Variants in IGSF11 observed in about 807,000 individuals in gnomAD.
The protein encoded by IGSF11 is immunoglobulin superfamily member 11.
IGSF11 carries 22 observed loss-of-function variants against 41.0 expected under a neutral mutation model. The ratio of observed to expected loss-of-function variants is 0.54; its 90% CI spans 0.38 to 0.77. The LOEUF is 0.77. Among genes scored for constraint, IGSF11 ranks in the 30% least tolerant of loss-of-function variants. The pLI is 0.00. For synonymous variants in IGSF11, 219 were observed against 201.3 expected, an observed-to-expected ratio of 1.09 and a Z score of -0.74; for missense variants, 444 against 530.8, an observed-to-expected ratio of 0.84 and a Z score of 1.61.
chr3:118,964,379 G>A (rs1159787849), intron 1 of IGSF11, among the ~76,000 whole-genome samples: 1 of 152,106 alleles, frequency 6.6e-6, no homozygotes, highest in East Asian at 1.9e-4. Context: ...ATGGGATGAA[G>A]AATGGGCAGA....
chr3:119,012,868 A>G (rs1001613066), intron 1 of IGSF11: 2 of 152,248 alleles, frequency 1.3e-5, no homozygotes, highest in African/African-American at 4.8e-5. Context: ...ATTGCTAAAA[A>G]AGCAAGTTTA....
At position 119,114,661 on chromosome 3, in the gene IGSF11, T is replaced by C. The variant is rs1576819146; in HGVS notation, c.-13-9456A>G. ...CAAGTCTCTAGGAAGTTCCAAACTT[T>C]CCCTCATCTTCTTGTCTTTTTCTGA... On this transcript the variant is annotated intron_variant, in intron 1 of 7. Coordinates refer to the IGSF11 transcript ENST00000425327. Among the ~76,000 whole-genome samples, 3 of 152,356 alleles carry C rather than the reference T, an allele frequency of 2.0e-5. 1 individual carries two copies. The highest frequency in any genetic ancestry group is 7.2e-5 in the African/African-American group (3 of 41,572).
intron 1 of IGSF11, among the ~76,000 whole-genome samples, chr3:119,018,825 G>A (rs183609689): frequency 4.6e-5 from 7 of 152,318 alleles, no homozygotes; most frequent in Admixed American, 4.6e-4. Flanking sequence ...ACTCAGAGAG[G>A]CATGCAGAAG....
chr3:118,951,109 G>C (rs1333886778), intron 1 of IGSF11, among the ~76,000 whole-genome samples: 1 of 152,200 alleles, frequency 6.6e-6, no homozygotes, highest in African/African-American at 2.4e-5. Flanking sequence ...GCAGCCACAT[G>C]TGGCTATTCA....
intron 1 of IGSF11, among the ~76,000 whole-genome samples, chr3:119,092,215 GTTAAAA>G (rs1439314129): frequency 1.2e-4 from 18 of 152,008 alleles, no homozygotes; most frequent in Admixed American, 1.0e-3. Flanking sequence ...GAATAAAAAA[GTTAAAA>G]TTAAAAAGTT....
intron 1 of IGSF11, among the ~76,000 whole-genome samples, chr3:119,110,431 T>A (rs2107518148): frequency 6.6e-6 from 1 of 152,354 alleles, no homozygotes; most frequent in South Asian, 2.1e-4. Flanking sequence ...TTTTTTGTTT[T>A]CCATTTGCTT....
chr3:118,905,576 C>G lies in IGSF11; in HGVS notation c.703+20G>C. 6.2e-7 allele frequency: 1 copy of G among 1,613,404 alleles called. No individual in the cohort carries two copies. Among genetic ancestry groups the G allele is most frequent in the Middle Eastern group, 1.7e-4 (1 of 6,046 alleles). On this transcript the variant is annotated intron_variant, in intron 5 of 6. Coordinates refer to ENST00000393775, the MANE Select transcript of IGSF11 (RefSeq NM_001015887.3). ...AGAGTTTCAGACCCATGGTTGACAT[C>G]AGAATTTCCATATGCTTACGTGAAA...
At chr3:119,100,419 G>C (rs2076921998) in intron 1 of IGSF11, among the ~76,000 whole-genome samples, 1 of 152,204 alleles carries the variant, frequency 6.6e-6, no homozygotes, top group African/African-American at 2.4e-5. Context: ...CTGAGGCTTT[G>C]AGTCTAGGCA....
chr3:118,936,564 G>T (rs2107547847), intron 1 of IGSF11, among the ~76,000 whole-genome samples: 1 of 151,450 alleles, frequency 6.6e-6, no homozygotes, highest in Non-Finnish European at 1.5e-5. Flanking sequence ...CATGTAAAAT[G>T]CATAATTTAA....
intron 1 of IGSF11, among the ~76,000 whole-genome samples, chr3:119,060,392 G>A (rs1415397710): frequency 6.6e-6 from 1 of 152,098 alleles, no homozygotes; most frequent in Non-Finnish European, 1.5e-5. Context: ...AGAACCATAA[G>A]ATTTTGAAAA....
At chr3:118,977,779 G>A (rs1934281238) in intron 1 of IGSF11, among the ~76,000 whole-genome samples, 1 of 152,114 alleles carries the variant, frequency 6.6e-6, no homozygotes, top group South Asian at 2.1e-4. Flanking sequence ...ACCACACGAA[G>A]GCACTGTTCC....
chr3:119,078,487 T>C (rs947818651), intron 1 of IGSF11, among the ~76,000 whole-genome samples: 12 of 152,148 alleles, frequency 7.9e-5, no homozygotes, highest in Admixed American at 6.5e-4. Flanking sequence ...GTCCAACAAA[T>C]GGTGCAGGGA....
chr3:119,082,889 A>T (rs1415838088), intron 1 of IGSF11, among the ~76,000 whole-genome samples: 1 of 152,214 alleles, frequency 6.6e-6, no homozygotes, highest in Non-Finnish European at 1.5e-5. Flanking sequence ...AATATAAAAC[A>T]AACAAAAAAT....
At position 118,902,619 on chromosome 3, in the gene IGSF11, T is replaced by C. The variant is rs146853299; in HGVS notation, c.1197A>G (p.Pro399=). ...GGCTGATGGTGTAGGAATGAGTGTG[T>C]GGAGGCCGAGGCTTCCTACTGACTG... is the stretch of plus-strand genomic sequence containing the variant. ...NGSVSRKPRP[P]HTHSYTISHA... The change falls in exon 7 of 7, where the codon CCA becomes CCG. Residue 399 remains proline, a synonymous_variant. Transcript: ENST00000393775. 1.2e-6 allele frequency: 2 copies of C among 1,614,120 alleles called. No homozygotes were observed. The highest frequency in any genetic ancestry group is 8.5e-7 in the Non-Finnish European group (1 of 1,179,992).
chr3:118,910,684 T>G (rs1387845848), intron 4 of IGSF11, among the ~76,000 whole-genome samples: 1 of 152,194 alleles, frequency 6.6e-6, no homozygotes, highest in Admixed American at 6.5e-5. Context: ...CAATCTGGAC[T>G]TCACCTTTTC....
intron 1 of IGSF11, among the ~76,000 whole-genome samples, chr3:118,994,814 G>A (rs1936115435): frequency 6.6e-6 from 1 of 152,128 alleles, no homozygotes; most frequent in African/African-American, 2.4e-5. Context: ...GAAGGGAGTA[G>A]TTAATTTTAT....
At chr3:119,070,170 A>G (rs964071094) in intron 1 of IGSF11, among the ~76,000 whole-genome samples, 9 of 152,198 alleles carry the variant, frequency 5.9e-5, no homozygotes, top group Non-Finnish European at 8.8e-5. Flanking sequence ...AGACCAAAAC[A>G]GTAGATTATG....
intron 1 of IGSF11, among the ~76,000 whole-genome samples, chr3:118,991,974 A>C (rs1394437936): frequency 6.6e-6 from 1 of 152,264 alleles, no homozygotes; most frequent in Non-Finnish European, 1.5e-5. Context: ...GTGATGAATA[A>C]GCTTCATTGA....
At chr3:119,048,721 T>C (rs1415478794) in intron 1 of IGSF11, among the ~76,000 whole-genome samples, 1 of 151,934 alleles carries the variant, frequency 6.6e-6, no homozygotes, top group East Asian at 1.9e-4. Context: ...CCAATATCCT[T>C]GATAAACATT....
Sources: gnomAD v4.1 joint callset for allele counts (sites outside exome capture counted in the v4.1 genomes callset) on GRCh38, gnomAD v4.1.1 for gene constraint, MANE v1.5 for transcripts, NCBI Gene and HGNC (gene_info 2026-07-23, HGNC 2026-07-21) for gene names.